Variants in SH3D19 observed in about 807,000 individuals in gnomAD.
The protein encoded by SH3D19 is SH3 domain-containing protein 19.
SH3D19 carries 58 observed loss-of-function variants against 112.1 expected under a neutral mutation model. The observed-to-expected ratio is 0.52, with a 90% CI of 0.42 to 0.64. SH3D19 has a LOEUF of 0.64. SH3D19 is among the 30% of genes least tolerant of loss of function. SH3D19 has a pLI of 0.00. For synonymous variants in SH3D19, 391 were observed against 448.5 expected (o/e 0.87, Z 1.62); for missense variants, 1,090 against 1,263.4 (o/e 0.86, Z 2.08).
intron 1 of SH3D19, among the ~76,000 whole-genome samples, chr4:151,305,771 T>G (rs751875477): frequency 2.0e-5 from 3 of 152,226 alleles, no homozygotes; most frequent in Non-Finnish European, 2.9e-5. Context: ...GTTTGGAAAT[T>G]TATTATAAAG....
intron 1 of SH3D19, among the ~76,000 whole-genome samples, chr4:151,235,771 G>C (rs547710596): frequency 2.8e-4 from 43 of 151,376 alleles, no homozygotes; most frequent in Non-Finnish European, 1.0e-4. Context: ...GGGTGAAAGA[G>C]CAAGACTCTG....
intron 14 of SH3D19, among the ~76,000 whole-genome samples, chr4:151,136,403 C>T (rs1751864788): frequency 6.6e-6 from 1 of 152,190 alleles, no homozygotes; most frequent in Non-Finnish European, 1.5e-5. Context: ...CCTACTGCCT[C>T]AGCCTCCCAA....
At chr4:151,255,291 G>A (rs1490776138) in intron 1 of SH3D19, among the ~76,000 whole-genome samples, 2 of 147,296 alleles carry the variant, frequency 1.4e-5, no homozygotes, top group Non-Finnish European at 3.0e-5. Flanking sequence ...CCGGGCAGAG[G>A]GTCTCCTCAC....
At chr4:151,257,111 G>T (rs371848782) in intron 1 of SH3D19, among the ~76,000 whole-genome samples, 1 of 151,328 alleles carries the variant, frequency 6.6e-6, no homozygotes, top group South Asian at 2.1e-4. Context: ...TTTTTGAGAT[G>T]AAGTCTTGCT....
intron 7 of SH3D19, among the ~76,000 whole-genome samples, chr4:151,173,507 G>A (rs1050449741): frequency 6.6e-5 from 10 of 152,148 alleles, no homozygotes; most frequent in African/African-American, 2.2e-4. Flanking sequence ...ACTCACAGAC[G>A]GTTGTTGCAA....
intron 17 of SH3D19, among the ~76,000 whole-genome samples, chr4:151,128,643 C>T (rs757994610): frequency 2.7e-5 from 4 of 145,750 alleles, no homozygotes; most frequent in Non-Finnish European, 4.4e-5. Context: ...TTTTTACTTT[C>T]TTTATTTTCT....
chr4:151,297,793 C>T (rs1310619772), intron 1 of SH3D19, among the ~76,000 whole-genome samples: 1 of 152,132 alleles, frequency 6.6e-6, no homozygotes, highest in Non-Finnish European at 1.5e-5. Flanking sequence ...TGTTACTACA[C>T]GTAGTAAAGG....
chr4:151,187,703 T>TA (rs1762015798), intron 2 of SH3D19, among the ~76,000 whole-genome samples: 1 of 152,220 alleles, frequency 6.6e-6, no homozygotes, highest in Non-Finnish European at 1.5e-5. Flanking sequence ...ATTGCTTTCA[T>TA]AGCTACTTAC....
chr4:151,149,218 C>T (rs922327626), intron 10 of SH3D19, among the ~76,000 whole-genome samples: 3 of 151,968 alleles, frequency 2.0e-5, no homozygotes, highest in South Asian at 2.1e-4. Flanking sequence ...TGCATGTATA[C>T]GTATATTCTA....
intron 9 of SH3D19, among the ~76,000 whole-genome samples, chr4:151,151,647 TA>T (rs1338712260): frequency 1.3e-5 from 2 of 152,246 alleles, no homozygotes; most frequent in Non-Finnish European, 2.9e-5. Context: ...TTGGTTTCAC[TA>T]ATGAGTTCAG....
intron 6 of SH3D19, 64 bp from the exon 7 acceptor site, chr4:151,175,738 G>GA (rs905846928): frequency 1.6e-6 from 2 of 1,220,252 alleles, no homozygotes; most frequent in East Asian, 3.2e-5. Context: ...AATGTATAAG[G>GA]AAAAAAATAG....
At chr4:151,268,404 T>C (rs2149995135) in intron 1 of SH3D19, among the ~76,000 whole-genome samples, 1 of 152,290 alleles carries the variant, frequency 6.6e-6, no homozygotes, top group African/African-American at 2.4e-5. Context: ...TACTGTAGAC[T>C]TTATAAACAC....
intron 1 of SH3D19, among the ~76,000 whole-genome samples, chr4:151,324,663 CA>C (rs2126420754): frequency 6.6e-6 from 1 of 151,618 alleles, no homozygotes; most frequent in East Asian, 1.9e-4. Context: ...ATTCTCAGCC[CA>C]AATGAATGGC....
chr4:151,292,528 A>T (rs1289807779), intron 1 of SH3D19, among the ~76,000 whole-genome samples: 2 of 152,222 alleles, frequency 1.3e-5, no homozygotes, highest in African/African-American at 4.8e-5. Context: ...AACAAAGGAC[A>T]TTATAGAAAA....
At chr4:151,310,559 A>C (rs1006898083) in intron 1 of SH3D19, among the ~76,000 whole-genome samples, 5 of 151,898 alleles carry the variant, frequency 3.3e-5, no homozygotes, top group African/African-American at 1.2e-4. Context: ...ATCCAAAGGA[A>C]ATAAATCACT....
chr4:151,239,602 T>C (rs1017742890), intron 1 of SH3D19, among the ~76,000 whole-genome samples: 2 of 152,160 alleles, frequency 1.3e-5, no homozygotes, highest in Non-Finnish European at 2.9e-5. Flanking sequence ...AGCAATGCAA[T>C]TACGACGACG....
At chr4:151,324,323 T>C (rs1229480313) in intron 1 of SH3D19, among the ~76,000 whole-genome samples, 16 of 152,206 alleles carry the variant, frequency 1.1e-4, no homozygotes, top group Non-Finnish European at 1.9e-4. Flanking sequence ...CTTCTCCACT[T>C]CATGGAATAT....
At chr4:151,174,530 T>C in intron 7 of SH3D19, 140 bp downstream of exon 7, 1 of 674,202 alleles carries the variant, frequency 1.5e-6, no homozygotes, top group Non-Finnish European at 2.2e-6. Flanking sequence ...TTCCTCTGTT[T>C]CTATACACAC....
At chr4:151,314,246 A>G (rs1439180133) in intron 1 of SH3D19, among the ~76,000 whole-genome samples, 1 of 152,218 alleles carries the variant, frequency 6.6e-6, no homozygotes, top group Admixed American at 6.5e-5. Flanking sequence ...GCTTCTATTT[A>G]TTTATTCTGA....
Sources: allele counts gnomAD v4.1 joint callset (sites outside exome capture counted in the v4.1 genomes callset), GRCh38; gene constraint gnomAD v4.1.1; transcripts MANE v1.5; gene names NCBI Gene and HGNC (gene_info 2026-07-23, HGNC 2026-07-21).